The following MUC4 variants were observed in gnomAD, a reference collection of about 807,000 sequenced individuals.
MUC4 encodes mucin-4.
A neutral mutation model predicts 257.9 loss-of-function variants in MUC4; 202 were observed. That is an observed-to-expected ratio of 0.78 (90% CI 0.70 to 0.88). MUC4 has a LOEUF of 0.88. Ranked by LOEUF, MUC4 falls within the 40% of genes least tolerant of loss-of-function variation. MUC4 has a pLI of 0.00. For synonymous variants in MUC4, 2,351 were observed against 2,757.1 expected, an observed-to-expected ratio of 0.85 and a Z score of 4.62; for missense variants, 5,976 against 6,513.7, an observed-to-expected ratio of 0.92 and a Z score of 2.84.
chr3:195,778,492 C>T, intron 2 of MUC4, 37 bp from the exon 3 acceptor site: 2 of 1,604,122 alleles, frequency 1.2e-6, no homozygotes, highest in South Asian at 1.1e-5. Flanking sequence ...GTGTTTCTTA[C>T]AGTAACAAAA....
At chr3:195,794,841 A>G (rs1469536578) in intron 1 of MUC4, among the ~76,000 whole-genome samples, 2 of 152,210 alleles carry the variant, frequency 1.3e-5, no homozygotes, top group African/African-American at 4.8e-5. Flanking sequence ...ACCAGCTCTA[A>G]TTGTTAAAAA....
chr3:195,755,000 C>G (rs2148772245), intron 18 of MUC4, among the ~76,000 whole-genome samples: 1 of 39,254 alleles, frequency 2.5e-5, no homozygotes. Flanking sequence ...CCATGTATGT[C>G]CTATTGCTTG....
At chr3:195,794,109 A>AAT (rs1553888499) in intron 1 of MUC4, among the ~76,000 whole-genome samples, 127 of 122,878 alleles carry the variant, frequency 1.0e-3, no homozygotes, top group African/African-American at 1.6e-3. Flanking sequence ...ATAATAATAA[A>AAT]AATAGATATT....
chr3:195,747,311 C>T lies in MUC4; in HGVS notation c.16104G>A (p.Ala5368=), dbSNP rs1414585770. 4 of 1,614,030 alleles carry T rather than the reference C, an allele frequency of 2.5e-6. No individual in the cohort carries two copies. The highest frequency in any genetic ancestry group is 4.5e-5 in the East Asian group (2 of 44,908). ...GGGCCCCAAAGAAGATGCCGAAGAACGCGTCGAGTTTCATGCTCAGGTGCT... is the reference window on the plus strand; with the variant it reads ...GGGCCCCAAAGAAGATGCCGAAGAATGCGTCGAGTTTCATGCTCAGGTGCT... ...HCEHLSMKLD[A]FFGIFFGALG... Residue 5368 remains alanine, a synonymous_variant, in exon 25 of 25, where the codon GCG becomes GCA. Coordinates refer to ENST00000463781, the MANE Select transcript of MUC4 (RefSeq NM_018406.7).
At chr3:195,751,319 G>A (rs369983590) in intron 21 of MUC4, 48 bp from the exon 22 acceptor site, 2 of 1,417,280 alleles carry the variant, frequency 1.4e-6, no homozygotes, top group Non-Finnish European at 9.8e-7. Context: ...CCCCATCCGG[G>A]GGGGAGACGC....
In MUC4 at chr3:195,783,080, G is replaced by A; in HGVS notation, c.8500C>T (p.Pro2834Ser). 1 of 740,154 alleles carries A rather than the reference G, an allele frequency of 1.4e-6. No individual in the cohort carries two copies. The highest frequency in any genetic ancestry group is 5.9e-5 in the East Asian group (1 of 16,880). 45.8% of individuals were successfully genotyped at this position (740,154 alleles called of 1,614,324 possible). ...SVFTGHATSL[P>S]VTIPSSASSG... is the part of the protein sequence containing the mutation. ...GATGCTGAGGAAGGGATGGTGACAG[G>A]AAGAGAGGTGGCATGACCTGTGAAC... Residue 2834 changes from proline (P) to serine (S), a missense_variant, in exon 2 of 25, where the codon CCT becomes TCT. By Grantham distance (74) the Pro-to-Ser change is moderately conservative. This residue lies in a region of MUC4 where 228 missense variants were observed against 206.3 expected (regional missense o/e 1.11). Coordinates refer to ENST00000463781, the MANE Select transcript of MUC4 (RefSeq NM_018406.7).
rs779226499 is a variant in MUC4, at chr3:195,785,544, T to TGA, written c.6035_6036insTC (p.Gln2013HisfsTer992). 78 of 1,334,192 alleles carry TGA rather than the reference T, an allele frequency of 5.8e-5. 16 individuals carry two copies. In the African/African-American group the frequency reaches 1.9e-3, roughly 32 times the overall value. 82.6% of individuals were successfully genotyped at this position (1,334,192 alleles called of 1,614,324 possible). On this transcript the variant is annotated frameshift_variant, in exon 2 of 25. Transcript: ENST00000463781. LOFTEE classifies it high-confidence loss of function. Reference sequence around the variant, plus strand: ...TGGTGACAGGAAGAGGGGTGGCCTGTCCTGTAGATACTGAGGAAGTGTCGG... The same window carrying TGA: ...TGGTGACAGGAAGAGGGGTGGCCTGTGACCTGTAGATACTGAGGAAGTGTCGG...
intron 1 of MUC4, among the ~76,000 whole-genome samples, chr3:195,799,412 T>C (rs1735023069): frequency 6.6e-6 from 1 of 152,232 alleles, no homozygotes; most frequent in Non-Finnish European, 1.5e-5. Context: ...GTGATTCTCC[T>C]GCTTCAGCCT....
At chr3:195,752,280 A>T in intron 21 of MUC4, 93 bp downstream of exon 21, 1 of 1,190,606 alleles carries the variant, frequency 8.4e-7, no homozygotes, top group Non-Finnish European at 1.2e-6. Context: ...ATCCAGATGG[A>T]TGACAAGATG....
Position 195,789,663 on chromosome 3 carries a change from G to C in MUC4, c.1917C>G (p.His639Gln). Residue 639 changes from histidine (H) to glutamine (Q), a missense_variant, in exon 2 of 25, where the codon CAC becomes CAG. By Grantham distance (24) the His-to-Gln change is conservative. Around this residue, in one of 44 missense-constraint regions of MUC4, gnomAD observed 1,583 missense variants for 1,257.4 expected, o/e 1.26. Coordinates refer to ENST00000463781, the MANE Select transcript of MUC4 (RefSeq NM_018406.7). The stretch of plus-strand genomic sequence containing the variant: ...CTTGTGTGGTCTGCGGGGCTTGAGT[G>C]TGACCCCTTTGGGAAACAGCTGGTG... ...QESPAVSQRG[H>Q]TQAPQTTQES... 1 of 1,614,022 alleles carries C rather than the reference G, an allele frequency of 6.2e-7. No individual in the cohort carries two copies. The highest frequency in any genetic ancestry group is 8.5e-7 in the Non-Finnish European group (1 of 1,179,886).
At position 195,778,693 on chromosome 3, in the gene MUC4, G is replaced by C. The variant is rs1342794263; in HGVS notation, c.12790+97C>G. 7.2e-6 allele frequency: 10 copies of C among 1,395,366 alleles called. No individual in the cohort carries two copies. The East Asian group carries it at 7.5e-5, about 10-fold the overall frequency. The allele number at this position is 1,395,366 out of a possible 1,614,324, so 86.4% of individuals were successfully genotyped here. On this transcript the variant is annotated intron_variant, in intron 2 of 24. Transcript: ENST00000463781. ...TGTGGGACCTGACACGGCCCCACCA[G>C]GTAATGCGAATGCACCAGTGTTCTC...
At chr3:195,767,820 C>T (rs867610493) in intron 7 of MUC4, among the ~76,000 whole-genome samples, 189 of 41,102 alleles carry the variant, frequency 4.6e-3, no homozygotes, top group Non-Finnish European at 7.0e-3. Flanking sequence ...ACCATCACCA[C>T]CACCACCACC....
At chr3:195,806,586 C>T (rs996761864) in intron 1 of MUC4, among the ~76,000 whole-genome samples, 1 of 152,194 alleles carries the variant, frequency 6.6e-6, no homozygotes, top group Non-Finnish European at 1.5e-5. Flanking sequence ...TTAAGGCAGG[C>T]GTTTCCTAAA....
At chr3:195,750,838 GC>G (rs1716249274) in intron 23 of MUC4, 50 bp downstream of exon 23, 1 of 1,535,964 alleles carries the variant, frequency 6.5e-7, no homozygotes, top group African/African-American at 1.4e-5. Context: ...ACCTCTGTTT[GC>G]CCGCCCCCCG....
At chr3:195,749,621 T>G (rs1262305639) in intron 23 of MUC4, among the ~76,000 whole-genome samples, 3 of 152,206 alleles carry the variant, frequency 2.0e-5, no homozygotes, top group Admixed American at 6.5e-5. Flanking sequence ...TATTATAATG[T>G]ATTTTAAAAT....
rs369312980 is a variant in MUC4 at position 195,788,510 on chromosome 3, G to A, written c.3070C>T (p.Pro1024Ser). 4.9e-5 allele frequency: 73 copies of A among 1,490,696 alleles called. No homozygotes were observed. In the South Asian group the frequency reaches 7.7e-4, roughly 16 times the overall value. The allele number at this position is 1,490,696 out of a possible 1,614,324, so 92.3% of individuals were successfully genotyped here. A position where few individuals can be genotyped will look rare whatever the true frequency, so the allele number is the denominator to read the frequency against. The change falls in exon 2 of 25, where the codon CCT becomes TCT. Residue 1024 changes from proline (P) to serine (S), a missense_variant. Pro to Ser is a moderately conservative substitution (Grantham distance 74). This residue lies in a region of MUC4 where 1,583 missense variants were observed against 1,257.4 expected (regional missense o/e 1.26). Transcript: ENST00000463781. ...PSSVSTGHTTPLPVTDTSSES... is the reference protein window; with the variant it reads ...PSSVSTGHTTSLPVTDTSSES... ...GAGGAAGTGTCGGTGACAGGAAGAG[G>A]GGTGGTGTGACCTGTGGATACTGAG...
rs1193232619 is a variant in MUC4 at position 195,762,175 on chromosome 3, G to A, written c.14424C>T (p.Ala4808=). ...TGGAGAGCGCGATCACCGAGACGGT[G>A]GCCCAGCCGTCGAAGCTGGCCGAGA... is the stretch of plus-strand genomic sequence containing the variant. ...SEVSASFDGW[A]TVSVIALSNI... Residue 4808 remains alanine, a synonymous_variant, in exon 14 of 25, where the codon GCC becomes GCT. Transcript: ENST00000463781. The A allele has an allele frequency of 6.2e-7, 1 of 1,606,772 alleles. No individual in the cohort carries two copies. The highest frequency in any genetic ancestry group is 8.5e-7 in the Non-Finnish European group (1 of 1,177,030).
chr3:195,787,341 G>C lies in MUC4; in HGVS notation c.4239C>G (p.Asp1413Glu). The change falls in exon 2 of 25, where the codon GAC becomes GAG. Residue 1413 changes from aspartate to glutamate, a missense_variant. Around this residue, in one of 44 missense-constraint regions of MUC4, gnomAD observed 58 missense variants for 65.4 expected, o/e 0.89. Coordinates refer to ENST00000463781, the MANE Select transcript of MUC4 (RefSeq NM_018406.7). Reference sequence around the variant, plus strand: ...CGTGTCCTGTGGATGCTGAGGAAGTGTCGGTGACAAGAAGAGGGGTGGCGT... The same window carrying C: ...CGTGTCCTGTGGATGCTGAGGAAGTCTCGGTGACAAGAAGAGGGGTGGCGT... ...TGHATPLLVTDTSSASTGHAT... is the reference protein window; with the variant it reads ...TGHATPLLVTETSSASTGHAT... 2 of 695,394 alleles carry C rather than the reference G, an allele frequency of 2.9e-6. No individual in the cohort carries two copies. Among genetic ancestry groups the C allele is most frequent in the Admixed American group, 6.7e-5 (2 of 30,004 alleles). 43.1% of individuals were successfully genotyped at this position (695,394 alleles called of 1,614,324 possible). A position where few individuals can be genotyped will look rare whatever the true frequency, so the allele number is the denominator to read the frequency against.
At chr3:195,798,185 G>A (rs776088381) in intron 1 of MUC4, among the ~76,000 whole-genome samples, 2 of 152,022 alleles carry the variant, frequency 1.3e-5, no homozygotes, top group Non-Finnish European at 2.9e-5. Flanking sequence ...ATATTTTTAA[G>A]ACTATAGTGT....
Sources: gnomAD v4.1 joint callset for allele counts (sites outside exome capture counted in the v4.1 genomes callset) on GRCh38, gnomAD v4.1.1 for gene constraint, gnomAD v4.1.1 regional missense constraint, MANE v1.5 for transcripts, NCBI Gene and HGNC (gene_info 2026-07-23, HGNC 2026-07-21) for gene names.